Variants in IKBKB observed in about 807,000 individuals in gnomAD.
The protein encoded by IKBKB is inhibitor of nuclear factor kappa B kinase subunit beta.
Under a neutral mutation model 113.6 loss-of-function variants are expected in IKBKB, and 42 were observed. The observed-to-expected ratio is 0.37, with a 90% CI of 0.29 to 0.48. The LOEUF (loss-of-function observed/expected upper bound fraction) is 0.48, where lower values mean the gene tolerates loss of function less well. Ranked by LOEUF, IKBKB falls within the 20% of genes least tolerant of loss-of-function variation. IKBKB has a pLI of 0.99. For synonymous variants in IKBKB, 296 were observed against 361.3 expected, an observed-to-expected ratio of 0.82 and a Z score of 2.05; for missense variants, 673 against 939.7, an observed-to-expected ratio of 0.72 and a Z score of 3.71.
At chr8:42,317,209 T>TAAAAA (rs35978252) in intron 11 of IKBKB, 12 of 296,620 alleles carry the variant, frequency 4.0e-5, no homozygotes, top group East Asian at 8.4e-5. Flanking sequence ...CCAAGTGTAC[T>TAAAAA]AAAAAAAAAA....
At chr8:42,328,584 A>G (rs1821253719) in intron 20 of IKBKB, among the ~76,000 whole-genome samples, 1 of 152,184 alleles carries the variant, frequency 6.6e-6, no homozygotes, top group Non-Finnish European at 1.5e-5. Context: ...GGTTAGAAAA[A>G]GACGGATGTT....
In IKBKB at chr8:42,319,489, T is replaced by C; in HGVS notation, c.1516+68T>C. On this transcript the variant is annotated intron_variant, in intron 14 of 21. Transcript: ENST00000520810. ...TTTCTTTTTCTCTTTCTAAGGTTTC[T>C]TTTGTCCTATTATAATTGAGTTGCT... 2.5e-6 allele frequency: 4 copies of C among 1,600,618 alleles called. No homozygotes were observed. In the South Asian group the frequency reaches 4.4e-5, roughly 18 times the overall value.
intron 2 of IKBKB, among the ~76,000 whole-genome samples, chr8:42,278,396 G>A (rs1224390647): frequency 6.6e-6 from 1 of 152,200 alleles, no homozygotes; most frequent in East Asian, 1.9e-4. Context: ...GGGAGGCGCT[G>A]TGCCCATGGG....
At chr8:42,290,823 C>A (rs1273767664) in intron 4 of IKBKB, among the ~76,000 whole-genome samples, 1 of 152,228 alleles carries the variant, frequency 6.6e-6, no homozygotes, top group Non-Finnish European at 1.5e-5. Flanking sequence ...GGGCTCTATT[C>A]TCCACCTTCT....
intron 21 of IKBKB, 76 bp downstream of exon 21, chr8:42,329,290 C>T: frequency 6.7e-7 from 1 of 1,490,180 alleles, no homozygotes; most frequent in Non-Finnish European, 8.9e-7. Context: ...AATGGAAATG[C>T]AATCTGGCAT....
At chr8:42,318,009 C>T (rs2130648612) in intron 12 of IKBKB, among the ~76,000 whole-genome samples, 1 of 152,218 alleles carries the variant, frequency 6.6e-6, no homozygotes, top group East Asian at 1.9e-4. Context: ...CACCTGTAAT[C>T]CCAGCACTTT....
chr8:42,298,915 G>A (rs1814509382), intron 5 of IKBKB, among the ~76,000 whole-genome samples: 1 of 152,138 alleles, frequency 6.6e-6, no homozygotes, highest in Admixed American at 6.5e-5. Flanking sequence ...GCCTGCCCCT[G>A]CATTCGCCTG....
chr8:42,320,966 T>TG, intron 16 of IKBKB, 122 bp downstream of exon 16: 1 of 554,120 alleles, frequency 1.8e-6, no homozygotes, highest in Non-Finnish European at 3.1e-6. Flanking sequence ...CATGCTTCCC[T>TG]GTGGGGTCAC....
At chr8:42,330,129 A>G (rs1821496466) in intron 21 of IKBKB, 17 of 985,422 alleles carry the variant, frequency 1.7e-5, no homozygotes, top group East Asian at 1.1e-4. Context: ...CTGGAAATCC[A>G]TAACTGAGAT....
Position 42,326,070 on chromosome 8 carries a change from A to C in IKBKB, c.2087A>C (p.Asn696Thr). Residue 696 changes from asparagine to threonine, a missense_variant, in exon 20 of 22, where the codon AAC (asparagine) becomes ACC (threonine). By Grantham distance (65) the Asn-to-Thr change is moderately conservative. Around this residue, in one of 2 missense-constraint regions of IKBKB, gnomAD observed 506 missense variants for 638.7 expected, o/e 0.79. Coordinates refer to ENST00000520810, the MANE Select transcript of IKBKB (RefSeq NM_001556.3). ...ATGTCTCAGCCCTCCACGGCCTCCA[A>C]CAGCTTACCTGAGCCAGCCAAGAAG... ...QLMSQPSTAS[N>T]SLPEPAKKSE... 6.2e-7 allele frequency: 1 copy of C among 1,614,182 alleles called. No individual in the cohort carries two copies. Among genetic ancestry groups the C allele is most frequent in the Non-Finnish European group, 8.5e-7 (1 of 1,180,036 alleles).
chr8:42,305,807 T>G (rs1016390964), intron 6 of IKBKB, among the ~76,000 whole-genome samples: 2 of 152,200 alleles, frequency 1.3e-5, no homozygotes, highest in Non-Finnish European at 2.9e-5. Context: ...ACCCACCCAC[T>G]CTATGTGTTC....
In IKBKB at chr8:42,327,806, A is replaced by ATTTT. The variant is rs1285987849; in HGVS notation, c.2115-1306_2115-1303dup. Among the ~76,000 whole-genome samples the ATTTT allele has an allele frequency of 2.0e-4, 3 of 14,662 alleles. 1 individual carries two copies. The highest frequency in any genetic ancestry group is 3.8e-4 in the African/African-American group (3 of 7,884). The allele number at this position is 14,662 out of a possible 152,430, so 9.6% of individuals were successfully genotyped here. Reference sequence around the variant, plus strand: ...AGCCACCAGGCCTGGCTAATTTTGTATTTTTTTTTTTTTTTGAGACGGAGT... The same window carrying ATTTT: ...AGCCACCAGGCCTGGCTAATTTTGTATTTTTTTTTTTTTTTTTTTGAGACGGAGT... On this transcript the variant is annotated intron_variant, in intron 20 of 21. Transcript: ENST00000520810.
At chr8:42,305,434 A>G (rs1816316084) in intron 6 of IKBKB, among the ~76,000 whole-genome samples, 159 bp downstream of exon 6, 3 of 152,212 alleles carry the variant, frequency 2.0e-5, no homozygotes, top group Admixed American at 2.0e-4. Context: ...AAATTGAGCA[A>G]AAAAGTTGTT....
intron 19 of IKBKB, 78 bp downstream of exon 19, chr8:42,322,572 C>T: frequency 6.8e-7 from 1 of 1,461,610 alleles, no homozygotes; most frequent in African/African-American, 1.4e-5. Flanking sequence ...TGCCGCCATC[C>T]CACACGGGAC....
At chr8:42,325,400 T>G (rs1563369589) in intron 19 of IKBKB, 2 of 985,992 alleles carry the variant, frequency 2.0e-6, no homozygotes, top group East Asian at 2.3e-4. Context: ...TAAAAGTTCA[T>G]TAAGGGGCTG....
At chr8:42,274,857 C>T (rs1275368270) in intron 2 of IKBKB, among the ~76,000 whole-genome samples, 6 of 138,406 alleles carry the variant, frequency 4.3e-5, no homozygotes, top group African/African-American at 1.6e-4. Context: ...CGAGCCTGGA[C>T]GAGATCAGTT....
At chr8:42,326,821 G>A (rs961309819) in intron 20 of IKBKB, among the ~76,000 whole-genome samples, 1 of 152,156 alleles carries the variant, frequency 6.6e-6, no homozygotes, top group Non-Finnish European at 1.5e-5. Context: ...CCGTTCTCCA[G>A]CACACTGCAG....
chr8:42,311,834 C>T (rs984842523), intron 8 of IKBKB, among the ~76,000 whole-genome samples: 20 of 152,268 alleles, frequency 1.3e-4, no homozygotes, highest in African/African-American at 2.4e-4. Flanking sequence ...TTATAGTATA[C>T]GCATTATAAA....
rs1807902134 is a variant in IKBKB at position 42,272,095 on chromosome 8, A to G, written c.-6A>G. The G allele has an allele frequency of 1.9e-6, 3 of 1,613,676 alleles. No homozygotes were observed. The highest frequency in any genetic ancestry group is 1.7e-5 in the Admixed American group (1 of 59,928). On this transcript the variant is annotated 5_prime_UTR_variant, in exon 2 of 22. Coordinates refer to ENST00000520810, the MANE Select transcript of IKBKB (RefSeq NM_001556.3). The stretch of plus-strand genomic sequence containing the variant: ...AAATTGCTTATAGAGTTAGCACGAC[A>G]TCAGTATGAGCTGGTCACCTTCCCT...
Sources: gnomAD v4.1 joint callset for allele counts (sites outside exome capture counted in the v4.1 genomes callset) on GRCh38, gnomAD v4.1.1 for gene constraint, gnomAD v4.1.1 regional missense constraint, MANE v1.5 for transcripts, NCBI Gene and HGNC (gene_info 2026-07-23, HGNC 2026-07-21) for gene names.